ADGRE3: variants seen among roughly 807,000 people sequenced by gnomAD.
The protein encoded by ADGRE3 is EGF-like module receptor 3.
A neutral mutation model predicts 80.1 loss-of-function variants in ADGRE3; 88 were observed. The ratio of observed to expected loss-of-function variants is 1.10; its 90% CI spans 0.93 to 1.31. The LOEUF is 1.31. ADGRE3 is among the 40% of genes most tolerant of loss of function. ADGRE3 has a pLI of 0.00. For missense variants in ADGRE3, 715 were observed against 776.5 expected (o/e 0.92, Z 0.94); for synonymous variants, 281 against 294.8 (o/e 0.95, Z 0.48).
chr19:14,643,002 A>C (rs66961512), intron 9 of ADGRE3, among the ~76,000 whole-genome samples: 113,596 of 151,918 alleles, frequency 0.75, 42,673 homozygotes, highest in East Asian at 0.83. Flanking sequence ...TGAGAAAGTG[A>C]CATGCTGCTT....
intron 2 of ADGRE3, among the ~76,000 whole-genome samples, chr19:14,665,938 A>ATATATATGCATACATATATATG (rs1275750994): frequency 1.3e-5 from 1 of 76,652 alleles, no homozygotes; most frequent in Non-Finnish European, 2.4e-5. Context: ...ACATATGTGT[A>ATATATATGCATACATATATATG]TATATATATA....
At chr19:14,663,585 C>T in intron 2 of ADGRE3, 45 bp from the exon 3 acceptor site, 1 of 1,589,424 alleles carries the variant, frequency 6.3e-7, no homozygotes, top group Non-Finnish European at 8.6e-7. Context: ...GGGTCACAAA[C>T]TCTCCTGTTA....
At chr19:14,646,546 CTTTT>C (rs199907123) in intron 8 of ADGRE3, among the ~76,000 whole-genome samples, 3 of 120,706 alleles carry the variant, frequency 2.5e-5, no homozygotes, top group African/African-American at 3.0e-5. Context: ...CTAGCTAATT[CTTTT>C]TTTTTTTTTT....
the ADGRE3 span, among the ~76,000 whole-genome samples, chr19:14,601,194 C>T: frequency 1.3e-4 from 20 of 152,212 alleles, no homozygotes; most frequent in South Asian, 8.3e-4. Context: ...TGAGCCACCA[C>T]GCTGGGCTAG....
In ADGRE3 at chr19:14,641,413, C is replaced by T; in HGVS notation, c.1248+6G>A. The T allele has an allele frequency of 6.2e-7, 1 of 1,614,026 alleles. No homozygotes were observed. The highest frequency in any genetic ancestry group is 8.5e-7 in the Non-Finnish European group (1 of 1,179,962). ...GAAAGGGCATCCTCTGAGACACTGT[C>T]AGTACCTTGGGTTCAGTTCGATCAA... On this transcript the variant is annotated splice_donor_region_variant and intron_variant, in intron 10 of 15. Coordinates refer to ENST00000253673, the MANE Select transcript of ADGRE3 (RefSeq NM_032571.5).
chr19:14,632,287 A>C (rs900333797), intron 13 of ADGRE3, among the ~76,000 whole-genome samples: 1 of 152,132 alleles, frequency 6.6e-6, no homozygotes, highest in African/African-American at 2.4e-5. Flanking sequence ...TGGATTAGCA[A>C]ATTTGAGTTG....
chr19:14,650,491 C>T (rs905726501), intron 7 of ADGRE3, among the ~76,000 whole-genome samples: 1 of 151,320 alleles, frequency 6.6e-6, no homozygotes, highest in Non-Finnish European at 1.5e-5. Flanking sequence ...TTTCTCTCCC[C>T]ATCTCTCTCT....
At chr19:14,668,906 C>T (rs1568502594) in intron 1 of ADGRE3, 54 bp from the exon 2 acceptor site, 16 of 1,513,640 alleles carry the variant, frequency 1.1e-5, no homozygotes, top group Non-Finnish European at 1.4e-5. Flanking sequence ...AGGAGAGATT[C>T]CAAGAAATGC....
At chr19:14,663,786 C>T (rs538189791) in intron 2 of ADGRE3, among the ~76,000 whole-genome samples, 22 of 151,980 alleles carry the variant, frequency 1.4e-4, no homozygotes, top group African/African-American at 5.1e-4. Flanking sequence ...TTGCAGTGAG[C>T]CGAGATTGTG....
intron 7 of ADGRE3, among the ~76,000 whole-genome samples, chr19:14,648,972 A>C (rs1599633770): frequency 7.7e-4 from 74 of 96,334 alleles, no homozygotes; most frequent in East Asian, 1.3e-3. Context: ...TCTCTCCCCC[A>C]TTTCTCTCTC....
chr19:14,644,010 C>CT, intron 9 of ADGRE3, 98 bp downstream of exon 9: 1 of 811,386 alleles, frequency 1.2e-6, no homozygotes, highest in Non-Finnish European at 1.6e-6. Flanking sequence ...CATGCTCGGC[C>CT]TTTTTTCAGT....
intron 1 of ADGRE3, among the ~76,000 whole-genome samples, chr19:14,672,819 T>C (rs922238817): frequency 2.6e-5 from 4 of 152,178 alleles, no homozygotes; most frequent in African/African-American, 9.6e-5. Flanking sequence ...CTTGCTATGT[T>C]GCTCAGTCTG....
At position 14,622,116 on chromosome 19, in the gene ADGRE3, C is replaced by T; in HGVS notation, c.1921-2645G>A. On this transcript the variant is annotated intron_variant, in intron 15 of 15. Transcript: ENST00000253673. ...CATTCTTTATGCTCAGCACAGACAC[C>T]AAGGCAGGTCTGACACATCTCACAC... The T allele has an allele frequency of 1.1e-5, 12 of 1,052,280 alleles. 4 individuals are homozygous for T. In the South Asian group the frequency reaches 1.8e-4, roughly 15 times the overall value. The allele number at this position is 1,052,280 out of a possible 1,614,324, so 65.2% of individuals were successfully genotyped here. A position where few individuals can be genotyped will look rare whatever the true frequency, so the allele number is the denominator to read the frequency against.
rs113680877 is a variant in ADGRE3 at position 14,658,590 on chromosome 19, G to C, written c.356-40C>G. 29 of 1,499,528 alleles carry C rather than the reference G, an allele frequency of 1.9e-5. No individual in the cohort carries two copies. The Middle Eastern group carries it at 1.0e-3, about 52-fold the overall frequency. The allele number at this position is 1,499,528 out of a possible 1,614,324, so 92.9% of individuals were successfully genotyped here. ...ATGATGGAGTTACTATTGGAACTGA[G>C]AGTGACCAGGCAGAGGGGTGGGCAG... is the stretch of plus-strand genomic sequence containing the variant. On this transcript the variant is annotated intron_variant, in intron 4 of 15. Transcript: ENST00000253673.
chr19:14,671,602 A>C (rs995182865), intron 1 of ADGRE3, among the ~76,000 whole-genome samples: 1 of 152,120 alleles, frequency 6.6e-6, no homozygotes, highest in African/African-American at 2.4e-5. Context: ...TAGGATGTGG[A>C]TGTCTCTGGG....
At chr19:14,639,912 C>T (rs1192293379) in intron 10 of ADGRE3, among the ~76,000 whole-genome samples, 2 of 152,080 alleles carry the variant, frequency 1.3e-5, no homozygotes, top group African/African-American at 2.4e-5. Context: ...TCATGATGTA[C>T]AATAGCTCTC....
downstream of ADGRE3, among the ~76,000 whole-genome samples, chr19:14,616,825 G>A (rs565485010): frequency 2.2e-5 from 3 of 139,306 alleles, no homozygotes; most frequent in South Asian, 2.2e-4. Context: ...ATGGAATTTC[G>A]CTCTTGTTGC....
At chr19:14,628,595 CCA>C (rs1390067411) in intron 14 of ADGRE3, 5 of 226,928 alleles carry the variant, frequency 2.2e-5, no homozygotes, top group African/African-American at 1.2e-4. Flanking sequence ...GTGCCTGGCC[CCA>C]GTTTCTCTTT....
intron 1 of ADGRE3, among the ~76,000 whole-genome samples, chr19:14,670,542 C>T (rs1972228148): frequency 6.6e-6 from 1 of 152,152 alleles, no homozygotes; most frequent in South Asian, 2.1e-4. Context: ...AAATTGTCTG[C>T]TCAGGCTGGC....
Sources: gnomAD v4.1 joint callset for allele counts (sites outside exome capture counted in the v4.1 genomes callset) on GRCh38, gnomAD v4.1.1 for gene constraint, MANE v1.5 for transcripts, NCBI Gene and HGNC (gene_info 2026-07-23, HGNC 2026-07-21) for gene names.